Variants in ZNF347 observed in about 807,000 individuals in gnomAD.
ZNF347 encodes zinc finger protein 347, also known as CTD-2620I22.7.
Under a neutral mutation model 12.9 loss-of-function variants are expected in ZNF347, and 19 were observed. The observed-to-expected ratio is 1.47, with a 90% confidence interval of 1.03 to 2.16. ZNF347 has a LOEUF of 2.16. ZNF347 is among the 30% of genes most tolerant of loss of function. The pLI, the probability that ZNF347 is intolerant of heterozygous loss-of-function variation, is 0.00. For missense variants in ZNF347, 1,005 were observed against 990.6 expected, an observed-to-expected ratio of 1.01 and a Z score of -0.19; for synonymous variants, 328 against 340.6, an observed-to-expected ratio of 0.96 and a Z score of 0.41.
In ZNF347 at chr19:53,140,980, C is replaced by T; in HGVS notation, c.1848G>A (p.Gln616=). 6.2e-7 allele frequency: 1 copy of T among 1,613,368 alleles called. No individual in the cohort carries two copies. Among genetic ancestry groups the T allele is most frequent in the Non-Finnish European group, 8.5e-7 (1 of 1,179,954 alleles). The stretch of plus-strand genomic sequence containing the variant: ...AAGGTTTCTCTCCAGTATGAATTCG[C>T]TGATGCCTTGAAAGGTATGAATTAT... ...FRHNSYLSRH[Q]RIHTGEKPYK... The change falls in exon 5 of 5, where the codon CAG becomes CAA. Residue 616 remains glutamine (Q), a synonymous_variant. Coordinates refer to ENST00000334197, the MANE Select transcript of ZNF347 (RefSeq NM_032584.3).
rs1386711154 is a variant in ZNF347, at chr19:53,139,262, A to C, written c.*1046T>G. 6.6e-6 allele frequency: 1 copy of C among 152,200 alleles called. No individual in the cohort carries two copies. The highest frequency in any genetic ancestry group is 1.5e-5 in the Non-Finnish European group (1 of 68,026). The allele number at this position is 152,200 out of a possible 1,614,324, so 9.4% of individuals were successfully genotyped here. A position where few individuals can be genotyped will look rare whatever the true frequency, so the allele number is the denominator to read the frequency against. ...GTATGATGATTGATATCATAGTTTTACATTATTTTCTGCCCCAAAACCATG... is the reference window on the plus strand; with the variant it reads ...GTATGATGATTGATATCATAGTTTTCCATTATTTTCTGCCCCAAAACCATG... On this transcript the variant is annotated 3_prime_UTR_variant, in exon 5 of 5. Coordinates refer to ENST00000334197, the MANE Select transcript of ZNF347 (RefSeq NM_032584.3).
intron 3 of ZNF347, 127 bp downstream of exon 3, chr19:53,149,114 T>A: frequency 6.5e-7 from 1 of 1,533,626 alleles, no homozygotes; most frequent in Non-Finnish European, 8.7e-7. Flanking sequence ...ATTATGGAGA[T>A]TTTCATTTTT....
intron 1 of ZNF347, among the ~76,000 whole-genome samples, chr19:53,155,906 C>T (rs2090530739): frequency 6.6e-6 from 1 of 151,172 alleles, no homozygotes; most frequent in East Asian, 1.9e-4. Flanking sequence ...AGGTCTTTTC[C>T]TTTAGTCTTT....
Position 53,140,464 on chromosome 19 carries a change from G to C in ZNF347, c.2364C>G (p.Thr788=). 6.2e-7 allele frequency: 1 copy of C among 1,613,442 alleles called. No individual in the cohort carries two copies. Among genetic ancestry groups the C allele is most frequent in the Non-Finnish European group, 8.5e-7 (1 of 1,179,806 alleles). The change falls in exon 5 of 5, where the codon ACC becomes ACG. Residue 788 remains threonine (T), a synonymous_variant. Transcript: ENST00000334197. ...SKLARHQRIH[T]GEKPYECGKP... The stretch of plus-strand genomic sequence containing the variant: ...TCCCACACTCATATGGTTTCTCTCC[G>C]GTATGAATTCTCTGATGCCTTGCAA...
rs1429462158 is a variant in ZNF347 at position 53,137,431 on chromosome 19, C to A, written c.*2877G>T. 2 of 152,120 alleles carry A rather than the reference C, an allele frequency of 1.3e-5. No individual in the cohort carries two copies. The highest frequency in any genetic ancestry group is 4.8e-5 in the African/African-American group (2 of 41,442). The allele number at this position is 152,120 out of a possible 1,614,324, so 9.4% of individuals were successfully genotyped here. On this transcript the variant is annotated 3_prime_UTR_variant, in exon 5 of 5. Coordinates refer to ENST00000334197, the MANE Select transcript of ZNF347 (RefSeq NM_032584.3). Reference sequence around the variant, plus strand: ...TATTAAAGGTTATTACCATAACACCCCAAGCAAGTTATTTATCCCTGCTCT... The same window carrying A: ...TATTAAAGGTTATTACCATAACACCACAAGCAAGTTATTTATCCCTGCTCT...
At chr19:53,144,000 C>T (rs1467179700) in intron 4 of ZNF347, among the ~76,000 whole-genome samples, 1 of 152,178 alleles carries the variant, frequency 6.6e-6, no homozygotes, top group East Asian at 1.9e-4. Flanking sequence ...TAATAAAAAG[C>T]AATGAATTAA....
Position 53,140,648 on chromosome 19 carries a change from T to A in ZNF347, c.2180A>T (p.His727Leu), listed in dbSNP as rs1457027259. ...AFSVRSSLTT[H>L]QAIHTGKKPY... ...TTTTTTTCCAGTATGGATTGCCTGATGGGTAGTTAGGCTTGAACGGACACT... is the reference window on the plus strand; with the variant it reads ...TTTTTTTCCAGTATGGATTGCCTGAAGGGTAGTTAGGCTTGAACGGACACT... The change falls in exon 5 of 5, where the codon CAT (histidine) becomes CTT (leucine). Residue 727 changes from histidine (H) to leucine (L), a missense_variant. Coordinates refer to ENST00000334197, the MANE Select transcript of ZNF347 (RefSeq NM_032584.3). The A allele has an allele frequency of 3.1e-6, 5 of 1,613,522 alleles. No homozygotes were observed. In the Admixed American group the frequency reaches 6.7e-5, roughly 22 times the overall value.
In ZNF347 at chr19:53,140,956, A is replaced by G; in HGVS notation, c.1872T>C (p.Pro624=). Reference sequence around the variant, plus strand: ...CTTTGCCATACTCATTATACTTGTAAGGTTTCTCTCCAGTATGAATTCGCT... The same window carrying G: ...CTTTGCCATACTCATTATACTTGTAGGGTTTCTCTCCAGTATGAATTCGCT... ...RHQRIHTGEK[P]YKYNEYGKAF... The change falls in exon 5 of 5, where the codon CCT becomes CCC. Residue 624 remains proline, a synonymous_variant. Coordinates refer to ENST00000334197, the MANE Select transcript of ZNF347 (RefSeq NM_032584.3). 6.2e-7 allele frequency: 1 copy of G among 1,611,914 alleles called. No individual in the cohort carries two copies. The highest frequency in any genetic ancestry group is 1.7e-5 in the Admixed American group (1 of 59,786).
At chr19:53,157,235 A>G (rs1267561591) in intron 1 of ZNF347, among the ~76,000 whole-genome samples, 1 of 152,176 alleles carries the variant, frequency 6.6e-6, no homozygotes, top group Non-Finnish European at 1.5e-5. Context: ...TTGCAACTGC[A>G]TAATTTAAGT....
chr19:53,147,308 G>A (rs2090469190), intron 4 of ZNF347, among the ~76,000 whole-genome samples: 1 of 152,198 alleles, frequency 6.6e-6, no homozygotes, highest in African/African-American at 2.4e-5. Flanking sequence ...CTGGGAGGCA[G>A]AGGTTGCAGT....
chr19:53,151,144 T>C (rs1181165369), intron 2 of ZNF347, among the ~76,000 whole-genome samples: 1 of 152,194 alleles, frequency 6.6e-6, no homozygotes, highest in Non-Finnish European at 1.5e-5. Context: ...TAAATGTATA[T>C]GACAGACACT....
chr19:53,140,350 T>C lies in ZNF347; in HGVS notation c.2478A>G (p.Leu826=), dbSNP rs762263886. The C allele has an allele frequency of 6.3e-7, 1 of 1,582,940 alleles. No individual in the cohort carries two copies. Among genetic ancestry groups the C allele is most frequent in the Non-Finnish European group, 8.6e-7 (1 of 1,167,440 alleles). Residue 826 remains leucine (L), a synonymous_variant, in exon 5 of 5, where the codon CTA becomes CTG. Coordinates refer to ENST00000334197, the MANE Select transcript of ZNF347 (RefSeq NM_032584.3). The stretch of plus-strand genomic sequence containing the variant: ...GCTTGCAAGGTTTGAACTCTGACTT[T>C]AGAACTTTCCACACGTTACATTTGT... ...KPYKCNVWKV[L]KSEFKPCKPS...
At chr19:53,157,125 G>A (rs1205863678) in intron 1 of ZNF347, among the ~76,000 whole-genome samples, 1 of 152,130 alleles carries the variant, frequency 6.6e-6, no homozygotes, top group Non-Finnish European at 1.5e-5. Flanking sequence ...ACTGCCCTCT[G>A]GTTTGAATAG....
Position 53,136,191 on chromosome 19 carries a change from C to A in ZNF347, c.*4117G>T, listed in dbSNP as rs2146792309. ...AGACTTCATTTCACCATCTAGTATCCCTGTACTTTAATTGAACTAAAGATT... is the reference window on the plus strand; with the variant it reads ...AGACTTCATTTCACCATCTAGTATCACTGTACTTTAATTGAACTAAAGATT... On this transcript the variant is annotated 3_prime_UTR_variant, in exon 5 of 5. Transcript: ENST00000334197. The A allele has an allele frequency of 6.7e-6, 1 of 149,972 alleles. No individual in the cohort carries two copies. The highest frequency in any genetic ancestry group is 2.1e-4 in the South Asian group (1 of 4,682). The allele number at this position is 149,972 out of a possible 1,614,324, so 9.3% of individuals were successfully genotyped here. A position where few individuals can be genotyped will look rare whatever the true frequency, so the allele number is the denominator to read the frequency against.
At position 53,135,299 on chromosome 19, in the gene ZNF347, AATATATATATATATATATATATATATAT is replaced by A. The variant is rs66614865; in HGVS notation, c.*4981_*5008del. The A allele has an allele frequency of 2.8e-5, 2 of 72,658 alleles. No homozygotes were observed. The highest frequency in any genetic ancestry group is 3.5e-4 in the East Asian group (1 of 2,818). 4.5% of individuals were successfully genotyped at this position (72,658 alleles called of 1,614,324 possible). ...TCTTCATAGTTCTACCCATTTTCTA[AATATATATATATATATATATATATATAT>A]ATATATATATATAGAGAGAGAGAGA... On this transcript the variant is annotated 3_prime_UTR_variant, in exon 5 of 5. Transcript: ENST00000334197.
At position 53,139,071 on chromosome 19, in the gene ZNF347, T is replaced by C. The variant is rs1194487524; in HGVS notation, c.*1237A>G. 6.6e-6 allele frequency: 1 copy of C among 152,156 alleles called. No homozygotes were observed. The allele number at this position is 152,156 out of a possible 1,614,324, so 9.4% of individuals were successfully genotyped here. A position where few individuals can be genotyped will look rare whatever the true frequency, so the allele number is the denominator to read the frequency against. ...ATTCAGTAGAGAAAGTGGCAACCATTTCCCCTGCACTATTCCCATCACATA... is the reference window on the plus strand; with the variant it reads ...ATTCAGTAGAGAAAGTGGCAACCATCTCCCCTGCACTATTCCCATCACATA... On this transcript the variant is annotated 3_prime_UTR_variant, in exon 5 of 5. Transcript: ENST00000334197.
At position 53,143,579 on chromosome 19, in the gene ZNF347, A is replaced by C. The variant is rs1358891509; in HGVS notation, c.272-1023T>G. Among the ~76,000 whole-genome samples the C allele has an allele frequency of 5.3e-5, 8 of 152,058 alleles. No individual in the cohort carries two copies. In the East Asian group the frequency reaches 1.5e-3, roughly 29 times the overall value. On this transcript the variant is annotated intron_variant, in intron 4 of 4. Coordinates refer to ENST00000334197, the MANE Select transcript of ZNF347 (RefSeq NM_032584.3). The stretch of plus-strand genomic sequence containing the variant: ...AACTCATCATTTTTTATGGCTGCAT[A>C]GTATTCCATGGTGTATATGTGCCAC...
intron 4 of ZNF347, among the ~76,000 whole-genome samples, chr19:53,148,293 A>G (rs746535209): frequency 2.0e-5 from 3 of 152,212 alleles, no homozygotes; most frequent in Non-Finnish European, 4.4e-5. Context: ...AAATTTAGCT[A>G]ACTATATAGA....
intron 3 of ZNF347, 56 bp from the exon 4 acceptor site, chr19:53,148,865 C>A: frequency 6.3e-7 from 1 of 1,583,418 alleles, no homozygotes; most frequent in Non-Finnish European, 8.6e-7. Context: ...AGTCCCAGTC[C>A]TATGTTTACA....
Sources: allele counts gnomAD v4.1 joint callset (sites outside exome capture counted in the v4.1 genomes callset), GRCh38; gene constraint gnomAD v4.1.1; transcripts MANE v1.5; gene names NCBI Gene and HGNC (gene_info 2026-07-23, HGNC 2026-07-21).